DCC: variants seen among roughly 807,000 people sequenced by gnomAD.
DCC encodes netrin receptor DCC.
In DCC, 58 loss-of-function variants were observed where a neutral mutation model predicts 172.5. That is an observed-to-expected ratio of 0.34 (90% CI 0.27 to 0.42). The LOEUF (loss-of-function observed/expected upper bound fraction) is 0.42. Ranked by LOEUF, DCC falls within the 10% of genes least tolerant of loss-of-function variation. The pLI is 1.00. For synonymous variants in DCC, 709 were observed against 644.5 expected, an observed-to-expected ratio of 1.10 and a Z score of -1.52; for missense variants, 1,740 against 1,791.0, an observed-to-expected ratio of 0.97 and a Z score of 0.51.
intron 5 of DCC, among the ~76,000 whole-genome samples, chr18:53,062,080 A>G (rs1191364072): frequency 2.0e-5 from 3 of 152,064 alleles, no homozygotes; most frequent in South Asian, 2.1e-4. Flanking sequence ...ATCATCAATA[A>G]TTAATAAATA....
At chr18:52,821,685 G>C (rs1174986250) in intron 2 of DCC, among the ~76,000 whole-genome samples, 1 of 152,160 alleles carries the variant, frequency 6.6e-6, no homozygotes, top group Non-Finnish European at 1.5e-5. Context: ...ACCTAGCTGA[G>C]TACTTCTTTA....
At chr18:52,968,469 C>T (rs544619001) in intron 5 of DCC, among the ~76,000 whole-genome samples, 2 of 152,158 alleles carry the variant, frequency 1.3e-5, no homozygotes, top group African/African-American at 4.8e-5. Flanking sequence ...ATCCCACCCT[C>T]TCTTGTTATC....
intron 1 of DCC, among the ~76,000 whole-genome samples, chr18:52,593,801 A>T (rs2144802736): frequency 6.6e-6 from 1 of 152,352 alleles, no homozygotes; most frequent in East Asian, 1.9e-4. Flanking sequence ...CTGAACATGC[A>T]TCTAGACATT....
intron 2 of DCC, among the ~76,000 whole-genome samples, chr18:52,863,905 G>A (rs2039181850): frequency 6.6e-6 from 1 of 152,034 alleles, no homozygotes; most frequent in African/African-American, 2.4e-5. Flanking sequence ...TAACTCAGCA[G>A]ACTTACTTTA....
At chr18:52,811,189 A>G (rs1197692759) in intron 2 of DCC, among the ~76,000 whole-genome samples, 1 of 152,238 alleles carries the variant, frequency 6.6e-6, no homozygotes, top group Non-Finnish European at 1.5e-5. Flanking sequence ...ACACAGGTAC[A>G]TGCAAACTGG....
chr18:53,051,925 T>C (rs1175527828), intron 5 of DCC, among the ~76,000 whole-genome samples: 1 of 152,104 alleles, frequency 6.6e-6, no homozygotes, highest in African/African-American at 2.4e-5. Flanking sequence ...GAATATATAT[T>C]CTGTCCCATT....
intron 1 of DCC, among the ~76,000 whole-genome samples, chr18:52,610,181 ATATATATATATATATATATATATAT>A (rs2034241556): frequency 1.0e-4 from 1 of 9,910 alleles, no homozygotes; most frequent in African/African-American, 4.9e-4. Flanking sequence ...AAAAAAAAAT[ATATATATATATATATATATATATAT>A]ATATATATAT....
At chr18:53,504,124 A>G (rs2144487924) in intron 27 of DCC, among the ~76,000 whole-genome samples, 1 of 152,330 alleles carries the variant, frequency 6.6e-6, no homozygotes, top group South Asian at 2.1e-4. Flanking sequence ...GAAATCATGT[A>G]TTCCTGCTGT....
intron 5 of DCC, among the ~76,000 whole-genome samples, chr18:52,943,355 C>T (rs796529494): frequency 1.3e-5 from 2 of 152,066 alleles, no homozygotes; most frequent in Non-Finnish European, 1.5e-5. Flanking sequence ...ATTTTTCATC[C>T]TATCTGCTGT....
chr18:52,388,246 AT>A (rs1985895153), intron 1 of DCC, among the ~76,000 whole-genome samples: 1 of 151,776 alleles, frequency 6.6e-6, no homozygotes, highest in Non-Finnish European at 1.5e-5. Flanking sequence ...GCAACTTTTC[AT>A]GTGTCTGAAG....
chr18:52,768,803 T>C lies in DCC; in HGVS notation c.412+16429T>C, dbSNP rs138068401. On this transcript the variant is annotated intron_variant, in intron 2 of 28. Transcript: ENST00000442544. ...TATTCAGTAATACGGCTACCCTCTT[T>C]ATACCTTGAAATACCTACAGTTTAA... Among the ~76,000 whole-genome samples the C allele has an allele frequency of 7.1e-3, 1,076 of 152,312 alleles. 8 individuals are homozygous for C. Among genetic ancestry groups the C allele is most frequent in the Non-Finnish European group, 0.012 (831 of 68,024 alleles).
At chr18:52,513,768 C>A (rs748325221) in intron 1 of DCC, among the ~76,000 whole-genome samples, 6 of 152,282 alleles carry the variant, frequency 3.9e-5, no homozygotes, top group African/African-American at 1.4e-4. Context: ...TATGGGCCTG[C>A]ACTCCTCAGT....
intron 15 of DCC, among the ~76,000 whole-genome samples, chr18:53,383,527 T>A (rs1032680717): frequency 6.8e-6 from 1 of 147,924 alleles, no homozygotes; most frequent in African/African-American, 2.5e-5. Context: ...TTCTATCTAG[T>A]ATGTCAAAAT....
intron 27 of DCC, among the ~76,000 whole-genome samples, chr18:53,516,264 T>A (rs1175661030): frequency 6.7e-6 from 1 of 150,208 alleles, no homozygotes; most frequent in African/African-American, 2.5e-5. Flanking sequence ...AAGCTGAAAC[T>A]GGATCCCTTC....
chr18:53,332,800 A>G (rs1051390538), intron 14 of DCC, among the ~76,000 whole-genome samples: 25 of 9,786 alleles, frequency 2.6e-3, no homozygotes, highest in Non-Finnish European at 0.014. Flanking sequence ...CAAAACCCAT[A>G]GAGCTATTAC....
intron 1 of DCC, among the ~76,000 whole-genome samples, chr18:52,596,009 G>T (rs897026714): frequency 6.6e-6 from 1 of 152,140 alleles, no homozygotes; most frequent in African/African-American, 2.4e-5. Context: ...CCATATTCAG[G>T]CACTTTAAAA....
Position 52,612,655 on chromosome 18 carries a change from T to C in DCC, c.92-139399T>C, listed in dbSNP as rs546206144. 3.3e-5 allele frequency among the ~76,000 whole-genome samples: 5 copies of C among 152,338 alleles called. No individual in the cohort carries two copies. The South Asian group carries it at 1.0e-3, about 32-fold the overall frequency. On this transcript the variant is annotated intron_variant, in intron 1 of 28. Coordinates refer to ENST00000442544, the MANE Select transcript of DCC (RefSeq NM_005215.4). ...CTCTGGACTCTAGACATACTTGTCT[T>C]ATTTTATTACTTCTGTTTCTAGAGC...
At chr18:53,198,113 A>G (rs1457987459) in intron 9 of DCC, among the ~76,000 whole-genome samples, 1 of 152,162 alleles carries the variant, frequency 6.6e-6, no homozygotes, top group Non-Finnish European at 1.5e-5. Flanking sequence ...GTTATAAAGT[A>G]ATTAACAATC....
chr18:52,927,168 T>TATATATGTGTGTATATAC lies in DCC; in HGVS notation c.985+1798_985+1799insATATATGTGTGTATATAC, dbSNP rs1555682869. 4.5e-4 allele frequency among the ~76,000 whole-genome samples: 37 copies of TATATATGTGTGTATATAC among 82,484 alleles called. 6 individuals are homozygous for TATATATGTGTGTATATAC. Among genetic ancestry groups the TATATATGTGTGTATATAC allele is most frequent in the African/African-American group, 1.1e-3 (23 of 21,464 alleles). 54.1% of individuals were successfully genotyped at this position (82,484 alleles called of 152,430 possible). On this transcript the variant is annotated intron_variant, in intron 5 of 28. Transcript: ENST00000442544. ...ATATGTGTATATATACGTATATATG[T>TATATATGTGTGTATATAC]GTATATATGTGTATATATACGTATA...
Sources: gnomAD v4.1 joint callset for allele counts (sites outside exome capture counted in the v4.1 genomes callset) on GRCh38, gnomAD v4.1.1 for gene constraint, MANE v1.5 for transcripts, NCBI Gene and HGNC (gene_info 2026-07-23, HGNC 2026-07-21) for gene names.